The following MYRIP variants were observed in gnomAD, a reference collection of about 807,000 sequenced individuals.
MYRIP encodes myosin VIIA and Rab interacting protein.
A neutral mutation model predicts 98.0 loss-of-function variants in MYRIP; 49 were observed. That is an observed-to-expected ratio of 0.50 (90% CI 0.40 to 0.63). MYRIP has a LOEUF of 0.63. Ranked by LOEUF, MYRIP falls within the 30% of genes least tolerant of loss-of-function variation. The pLI is 0.00. For missense variants in MYRIP, 1,004 were observed against 1,058.2 expected (o/e 0.95, Z 0.71); for synonymous variants, 404 against 409.5 (o/e 0.99, Z 0.16).
chr3:40,121,852 T>C (rs925136301), intron 3 of MYRIP, among the ~76,000 whole-genome samples: 5 of 152,196 alleles, frequency 3.3e-5, no homozygotes, highest in African/African-American at 1.2e-4. Flanking sequence ...GATAATGCCA[T>C]GCTGAGCCAT....
At chr3:40,198,706 T>C (rs549835655) in intron 10 of MYRIP, among the ~76,000 whole-genome samples, 10 of 152,340 alleles carry the variant, frequency 6.6e-5, no homozygotes, top group African/African-American at 2.2e-4. Flanking sequence ...TTTTTGGTTA[T>C]ACTCATTAGT....
At chr3:39,970,440 G>A (rs1325786902) in intron 2 of MYRIP, among the ~76,000 whole-genome samples, 1 of 152,084 alleles carries the variant, frequency 6.6e-6, no homozygotes, top group African/African-American at 2.4e-5. Context: ...TAGAATAACT[G>A]TAGCATCTTA....
chr3:40,078,248 CG>C (rs1948395857), intron 3 of MYRIP, among the ~76,000 whole-genome samples: 2 of 152,246 alleles, frequency 1.3e-5, no homozygotes, highest in Admixed American at 6.5e-5. Flanking sequence ...CACGCCCACC[CG>C]GAACTCCAGC....
At chr3:40,196,038 TA>T (rs1019429267) in intron 10 of MYRIP, among the ~76,000 whole-genome samples, 1 of 151,982 alleles carries the variant, frequency 6.6e-6, no homozygotes, top group East Asian at 1.9e-4. Flanking sequence ...CATCACGTTT[TA>T]AAAAAAATTT....
intron 16 of MYRIP, among the ~76,000 whole-genome samples, chr3:40,254,974 G>A (rs1953527294): frequency 6.6e-6 from 1 of 152,138 alleles, no homozygotes. Flanking sequence ...CCTGTCTCAT[G>A]AGGATAGAAG....
intron 2 of MYRIP, among the ~76,000 whole-genome samples, chr3:39,996,861 G>A (rs373514512): frequency 7.2e-5 from 11 of 152,124 alleles, no homozygotes; most frequent in South Asian, 2.1e-4. Flanking sequence ...ATCAAACTAG[G>A]ACTCAGGATT....
intron 3 of MYRIP, among the ~76,000 whole-genome samples, chr3:40,097,282 C>T (rs143541430): frequency 6.6e-6 from 1 of 152,276 alleles, no homozygotes; most frequent in African/African-American, 2.4e-5. Context: ...AAGTAACTTG[C>T]CTGTGGTCTC....
At chr3:40,083,846 A>G (rs1386879269) in intron 3 of MYRIP, among the ~76,000 whole-genome samples, 5 of 152,140 alleles carry the variant, frequency 3.3e-5, no homozygotes, top group Admixed American at 2.0e-4. Flanking sequence ...AGGAATATCA[A>G]GACATTCTCG....
At chr3:39,933,696 C>A (rs1257813211) in intron 2 of MYRIP, among the ~76,000 whole-genome samples, 1 of 152,060 alleles carries the variant, frequency 6.6e-6, no homozygotes, top group African/African-American at 2.4e-5. Context: ...TCAAACTTTG[C>A]AAAATATTAT....
At chr3:39,809,456 G>C (rs1028197265), upstream of MYRIP, 1 of 147,218 alleles carries the variant, frequency 6.8e-6, no homozygotes, top group East Asian at 2.0e-4. Context: ...GGCCCGGCGG[G>C]CACCCCCTGC....
At chr3:40,101,739 A>G (rs1948949509) in intron 3 of MYRIP, among the ~76,000 whole-genome samples, 1 of 152,168 alleles carries the variant, frequency 6.6e-6, no homozygotes. Context: ...ATTGCTTCAT[A>G]CCTGCAATAT....
intron 2 of MYRIP, among the ~76,000 whole-genome samples, chr3:40,000,943 T>C (rs1311093664): frequency 6.6e-6 from 1 of 152,264 alleles, no homozygotes; most frequent in East Asian, 1.9e-4. Context: ...AAACATGTTT[T>C]CTTCTGCATT....
intron 1 of MYRIP, among the ~76,000 whole-genome samples, chr3:39,890,973 C>G (rs1456168672): frequency 4.6e-5 from 7 of 152,000 alleles, no homozygotes; most frequent in Non-Finnish European, 1.0e-4. Flanking sequence ...CTCTCTGCAG[C>G]CTTTTATCTC....
rs779875074 is a variant in MYRIP at position 40,167,162 on chromosome 3, A to G, written c.652A>G (p.Lys218Glu). ...KAEAYGDSLD[K>E]QNEASYLRDH... is the part of the protein sequence containing the mutation. ...AGCCATTCTCTTCCCTCCTCAGGAC[A>G]AGCAAAATGAGGCCAGTTACCTGCG... Residue 218 changes from lysine to glutamate, a missense_variant, in exon 7 of 17, where the codon AAG becomes GAG. Coordinates refer to ENST00000302541, the MANE Select transcript of MYRIP (RefSeq NM_015460.4). 3 of 1,614,042 alleles carry G rather than the reference A, an allele frequency of 1.9e-6. No individual in the cohort carries two copies. Among genetic ancestry groups the G allele is most frequent in the Admixed American group, 3.3e-5 (2 of 60,002 alleles).
chr3:39,998,334 T>C (rs973286204), intron 2 of MYRIP, among the ~76,000 whole-genome samples: 1 of 152,192 alleles, frequency 6.6e-6, no homozygotes, highest in Non-Finnish European at 1.5e-5. Context: ...TTCAGCAAAG[T>C]CTCAGGATAC....
At position 40,234,024 on chromosome 3, in the gene MYRIP, G is replaced by A; in HGVS notation, c.2071G>A (p.Asp691Asn). The A allele has an allele frequency of 1.9e-6, 3 of 1,607,682 alleles. No homozygotes were observed. Among genetic ancestry groups the A allele is most frequent in the South Asian group, 2.2e-5 (2 of 89,452 alleles). ...TCGTGGGACAGACCAAGTGAGACTG[G>A]ATGAGCAGCTGACTTCCCTGGAAGA... is the stretch of plus-strand genomic sequence containing the variant. ...FPRGTDQVRL[D>N]EQLTSLEENV... is the part of the protein sequence containing the mutation. The change falls in exon 12 of 17, where the codon GAT becomes AAT. Residue 691 changes from aspartate (D) to asparagine (N), a missense_variant. Physicochemically the swap from Asp to Asn is conservative, Grantham distance 23 (BLOSUM62 1). Coordinates refer to ENST00000302541, the MANE Select transcript of MYRIP (RefSeq NM_015460.4).
chr3:40,078,530 C>T (rs980725741), intron 3 of MYRIP, among the ~76,000 whole-genome samples: 1 of 152,208 alleles, frequency 6.6e-6, no homozygotes, highest in Non-Finnish European at 1.5e-5. Context: ...ACCATGAGCC[C>T]TTTGGAATTG....
rs1948577077 is a variant in MYRIP at position 40,084,697 on chromosome 3, A to ATAGATAATATGTATCTATGTGTTACATG, written c.332+40427_332+40428insAGATAATATGTATCTATGTGTTACATGT. On this transcript the variant is annotated intron_variant, in intron 3 of 16. Coordinates refer to ENST00000302541, the MANE Select transcript of MYRIP (RefSeq NM_015460.4). ...GATAGATAATATCTATGTATTACATATCGATAGATAATATGTATCTATGTA... is the reference window on the plus strand; with the variant it reads ...GATAGATAATATCTATGTATTACATATAGATAATATGTATCTATGTGTTACATGTCGATAGATAATATGTATCTATGTA... Among the ~76,000 whole-genome samples, 5 of 80,848 alleles carry ATAGATAATATGTATCTATGTGTTACATG rather than the reference A, an allele frequency of 6.2e-5. 1 individual carries two copies. The highest frequency in any genetic ancestry group is 2.0e-4 in the African/African-American group (5 of 24,526). 53.0% of individuals were successfully genotyped at this position (80,848 alleles called of 152,430 possible).
chr3:39,965,238 C>T (rs917850801), intron 2 of MYRIP, among the ~76,000 whole-genome samples: 1 of 152,068 alleles, frequency 6.6e-6, no homozygotes, highest in African/African-American at 2.4e-5. Context: ...TCCCCAAAGC[C>T]TCCAAGTGTA....
Sources: allele counts gnomAD v4.1 joint callset (sites outside exome capture counted in the v4.1 genomes callset), GRCh38; gene constraint gnomAD v4.1.1; transcripts MANE v1.5; gene names NCBI Gene and HGNC (gene_info 2026-07-23, HGNC 2026-07-21).